Variants in KLF12 observed in about 807,000 individuals in gnomAD.
The protein encoded by KLF12 is Krueppel-like factor 12.
In KLF12, 9 loss-of-function variants were observed where a neutral mutation model predicts 37.8. The observed-to-expected ratio is 0.24, with a 90% CI of 0.14 to 0.42. KLF12 has a LOEUF of 0.42. Ranked by LOEUF, KLF12 falls within the 10% of genes least tolerant of loss-of-function variation. The pLI is 1.00. For synonymous variants in KLF12, 208 were observed against 202.1 expected (o/e 1.03, Z -0.25); for missense variants, 411 against 516.0 (o/e 0.80, Z 1.97).
intron 7 of KLF12, among the ~76,000 whole-genome samples, chr13:73,701,003 C>T (rs957462188): frequency 2.0e-5 from 3 of 152,076 alleles, no homozygotes; most frequent in Admixed American, 6.5e-5. Context: ...TGTAAATGAG[C>T]CCTGAAAGGC....
intron 6 of KLF12, among the ~76,000 whole-genome samples, chr13:73,728,076 T>C (rs1876796780): frequency 6.6e-6 from 1 of 152,230 alleles, no homozygotes; most frequent in South Asian, 2.1e-4. Context: ...CTTACCAACA[T>C]TATGTCTTTC....
intron 1 of KLF12, among the ~76,000 whole-genome samples, chr13:74,032,173 A>G (rs562214832): frequency 2.0e-4 from 31 of 152,312 alleles, no homozygotes; most frequent in African/African-American, 7.5e-4. Flanking sequence ...AAAACCTACG[A>G]TATGTAGTAG....
chr13:74,001,227 G>A (rs1287755185), intron 1 of KLF12, among the ~76,000 whole-genome samples: 1 of 152,132 alleles, frequency 6.6e-6, no homozygotes, highest in East Asian at 1.9e-4. Flanking sequence ...AAAATCTTTG[G>A]GGTTTTGAGA....
intron 3 of KLF12, among the ~76,000 whole-genome samples, chr13:73,875,613 C>T (rs2138907904): frequency 6.6e-6 from 1 of 152,142 alleles, no homozygotes; most frequent in South Asian, 2.1e-4. Context: ...ATTCCATTTA[C>T]CCTATTAAAT....
chr13:74,255,041 G>T, the KLF12 span, among the ~76,000 whole-genome samples: 7 of 152,314 alleles, frequency 4.6e-5, no homozygotes, highest in East Asian at 9.6e-4. Flanking sequence ...GCCTGCAAAG[G>T]TTGGCTGCCT....
intron 5 of KLF12, among the ~76,000 whole-genome samples, chr13:73,799,828 C>T (rs1327112257): frequency 1.3e-5 from 2 of 152,068 alleles, no homozygotes; most frequent in Non-Finnish European, 2.9e-5. Flanking sequence ...AGATCAATTT[C>T]ATCTTCTGTG....
In KLF12 at chr13:73,791,265, T is replaced by C. The variant is rs370771486; in HGVS notation, c.806+21887A>G. On this transcript the variant is annotated intron_variant, in intron 5 of 7. Coordinates refer to ENST00000377669, the MANE Select transcript of KLF12 (RefSeq NM_007249.5). The stretch of plus-strand genomic sequence containing the variant: ...TATTCATGTGCCTATTCATATGTAG[T>C]GAAAGCTACAATTTATTGCTACATT... Among the ~76,000 whole-genome samples, 3 of 152,352 alleles carry C rather than the reference T, an allele frequency of 2.0e-5. 1 individual carries two copies.
At chr13:73,701,748 T>C (rs530012180) in intron 7 of KLF12, among the ~76,000 whole-genome samples, 1 of 152,102 alleles carries the variant, frequency 6.6e-6, no homozygotes, top group Non-Finnish European at 1.5e-5. Flanking sequence ...CAGTGCTTGG[T>C]GTATAGCTTA....
upstream of KLF12, among the ~76,000 whole-genome samples, chr13:74,134,901 C>A (rs1396922807): frequency 6.6e-6 from 1 of 151,970 alleles, no homozygotes; most frequent in Non-Finnish European, 1.5e-5. Flanking sequence ...GTCGTCCCCG[C>A]GGCTCGCCCG....
chr13:74,141,019 G>A, the KLF12 span, among the ~76,000 whole-genome samples: 1 of 151,968 alleles, frequency 6.6e-6, no homozygotes, highest in African/African-American at 2.4e-5. Flanking sequence ...GAGCCGAGAT[G>A]GTGCCACCGC....
At chr13:73,730,988 T>C (rs1241449334) in intron 6 of KLF12, among the ~76,000 whole-genome samples, 1 of 152,170 alleles carries the variant, frequency 6.6e-6, no homozygotes, top group Non-Finnish European at 1.5e-5. Flanking sequence ...ACAGTAAGCT[T>C]CCACGGTGAG....
intron 1 of KLF12, among the ~76,000 whole-genome samples, chr13:74,053,474 A>G (rs1241972964): frequency 1.3e-5 from 2 of 152,142 alleles, no homozygotes; most frequent in Non-Finnish European, 2.9e-5. Flanking sequence ...TAACAACCTA[A>G]TGAGCTAGGG....
chr13:74,271,436 C>T, the KLF12 span, among the ~76,000 whole-genome samples: 1 of 151,940 alleles, frequency 6.6e-6, no homozygotes, highest in African/African-American at 2.4e-5. Context: ...GACCAATAGA[C>T]AGTAAAAAAG....
chr13:73,853,546 GA>G (rs1216328852), intron 3 of KLF12, among the ~76,000 whole-genome samples: 1 of 152,128 alleles, frequency 6.6e-6, no homozygotes, highest in African/African-American at 2.4e-5. Flanking sequence ...AGACCAGCCT[GA>G]CCAACATGGT....
chr13:74,217,694 T>C, the KLF12 span, among the ~76,000 whole-genome samples: 4,782 of 152,274 alleles, frequency 0.031, 114 homozygotes, highest in Middle Eastern at 0.071. Context: ...GCCACCGCAC[T>C]CCAGCCTGGG....
At chr13:74,028,334 T>C (rs931586976) in intron 1 of KLF12, among the ~76,000 whole-genome samples, 2 of 152,214 alleles carry the variant, frequency 1.3e-5, no homozygotes, top group African/African-American at 4.8e-5. Context: ...AGCATGCTGC[T>C]ATTATAAACT....
the KLF12 span, among the ~76,000 whole-genome samples, chr13:74,274,617 G>T: frequency 1.3e-5 from 2 of 152,024 alleles, no homozygotes; most frequent in Non-Finnish European, 1.5e-5. Flanking sequence ...TCTCACTCAT[G>T]CCAATGTTGT....
At chr13:73,795,142 A>AAAAGG (rs148172744) in intron 5 of KLF12, among the ~76,000 whole-genome samples, 134 of 152,330 alleles carry the variant, frequency 8.8e-4, no homozygotes, top group Admixed American at 1.6e-3. Flanking sequence ...GACAATCTTG[A>AAAAGG]ATCTTATTTT....
chr13:74,208,856 G>A, the KLF12 span, among the ~76,000 whole-genome samples: 4 of 152,080 alleles, frequency 2.6e-5, no homozygotes, highest in African/African-American at 9.7e-5. Flanking sequence ...AAAGAGTGAA[G>A]GGGCAGAGCT....
Sources: allele counts gnomAD v4.1 joint callset (sites outside exome capture counted in the v4.1 genomes callset), GRCh38; gene constraint gnomAD v4.1.1; transcripts MANE v1.5; gene names NCBI Gene and HGNC (gene_info 2026-07-23, HGNC 2026-07-21).